The following ACO2 variants were observed in gnomAD, a reference collection of about 807,000 sequenced individuals.
ACO2 encodes the protein aconitate hydratase, mitochondrial.
ACO2 carries 31 observed loss-of-function variants against 84.5 expected under a neutral mutation model. The ratio of observed to expected loss-of-function variants is 0.37; its 90% confidence interval spans 0.28 to 0.50. ACO2 has a LOEUF of 0.50. ACO2 is among the 20% of genes least tolerant of loss of function. ACO2 has a pLI of 0.97. For synonymous variants in ACO2, 414 were observed against 412.7 expected, an observed-to-expected ratio of 1.00 and a Z score of -0.04; for missense variants, 685 against 1,029.3, an observed-to-expected ratio of 0.67 and a Z score of 4.58.
chr22:41,504,933 CAA>C (rs1261404390), intron 2 of ACO2, among the ~76,000 whole-genome samples: 1 of 151,648 alleles, frequency 6.6e-6, no homozygotes, highest in African/African-American at 2.4e-5. Context: ...AGGCTAGTCT[CAA>C]AACGCCTGGA....
intron 1 of ACO2, among the ~76,000 whole-genome samples, chr22:41,488,132 C>T (rs1047518638): frequency 3.9e-5 from 6 of 152,180 alleles, no homozygotes; most frequent in Non-Finnish European, 8.8e-5. Context: ...AATACTACAG[C>T]ACTTTCTGTT....
chr22:41,510,206 C>T (rs2066424041), intron 3 of ACO2, among the ~76,000 whole-genome samples: 1 of 152,082 alleles, frequency 6.6e-6, no homozygotes, highest in African/African-American at 2.4e-5. Context: ...AGTGACCTGT[C>T]TAGGGTCACA....
intron 1 of ACO2, among the ~76,000 whole-genome samples, chr22:41,477,280 C>T (rs1009617734): frequency 6.6e-6 from 1 of 151,334 alleles, no homozygotes; most frequent in Non-Finnish European, 1.5e-5. Context: ...CAGCCTCCTG[C>T]GTAGCTGGGA....
intron 1 of ACO2, among the ~76,000 whole-genome samples, chr22:41,474,589 A>G (rs1330844299): frequency 3.6e-4 from 30 of 84,426 alleles, no homozygotes; most frequent in Middle Eastern, 0.014. Context: ...CACTGCGCCT[A>G]GCCTTTTTTT....
At chr22:41,474,127 G>C (rs1405766430) in intron 1 of ACO2, among the ~76,000 whole-genome samples, 2 of 151,964 alleles carry the variant, frequency 1.3e-5, no homozygotes, top group African/African-American at 2.4e-5. Context: ...AGGGATCTGG[G>C]GGGTGGAGAT....
At chr22:41,524,081 A>G in intron 12 of ACO2, 140 bp downstream of exon 12, 1 of 696,666 alleles carries the variant, frequency 1.4e-6, no homozygotes, top group South Asian at 1.6e-5. Flanking sequence ...CCTCAGGCGC[A>G]TGCTTGGTGC....
At chr22:41,523,430 A>C in intron 11 of ACO2, 152 bp downstream of exon 11, 1 of 662,194 alleles carries the variant, frequency 1.5e-6, no homozygotes, top group Non-Finnish European at 2.5e-6. Flanking sequence ...TCTGGCAGAC[A>C]TGCCTGGGAA....
intron 1 of ACO2, among the ~76,000 whole-genome samples, chr22:41,482,636 G>C (rs1205321578): frequency 6.6e-6 from 1 of 152,230 alleles, no homozygotes; most frequent in Non-Finnish European, 1.5e-5. Context: ...TCAGTGATTT[G>C]AAGGGCTGGT....
In ACO2 at chr22:41,517,509, G is replaced by T. The variant is rs752811289; in HGVS notation, c.836-18G>T. The T allele has an allele frequency of 1.2e-6, 2 of 1,611,492 alleles. No individual in the cohort carries two copies. Among genetic ancestry groups the T allele is most frequent in the Middle Eastern group, 1.7e-4 (1 of 6,058 alleles). On this transcript the variant is annotated intron_variant, in intron 6 of 17. Transcript: ENST00000216254. ...GGCCCGGCCACCAGCCAATGCCCGG[G>T]GCTCTGTTGCTCCACAGGCATGGCG...
chr22:41,482,564 T>C lies in ACO2; in HGVS notation c.36+13382T>C, dbSNP rs1275054577. ...CCACTTAGGTGTAAAATTAGGAAGT[T>C]GTTTTGTGGCTGAGGAAGTGCTATA... is the stretch of plus-strand genomic sequence containing the variant. On this transcript the variant is annotated intron_variant, in intron 1 of 17. Coordinates refer to ENST00000216254, the MANE Select transcript of ACO2 (RefSeq NM_001098.3). 2.0e-5 allele frequency among the ~76,000 whole-genome samples: 3 copies of C among 152,250 alleles called. No individual in the cohort carries two copies. In the East Asian group the frequency reaches 5.8e-4, roughly 29 times the overall value.
intron 14 of ACO2, among the ~76,000 whole-genome samples, 184 bp downstream of exon 14, chr22:41,525,532 T>C (rs2066576188): frequency 1.3e-5 from 2 of 152,218 alleles, no homozygotes; most frequent in African/African-American, 4.8e-5. Flanking sequence ...CCCTTCTCTG[T>C]GGCCCCGAAC....
At chr22:41,526,222 G>A in intron 14 of ACO2, 40 bp from the exon 15 acceptor site, 1 of 1,585,034 alleles carries the variant, frequency 6.3e-7, no homozygotes, top group Non-Finnish European at 8.6e-7. Context: ...CCCCTCCAGG[G>A]CCATGCCCTG....
chr22:41,470,215 T>C (rs1049146666), intron 1 of ACO2, among the ~76,000 whole-genome samples: 11 of 152,196 alleles, frequency 7.2e-5, no homozygotes, highest in African/African-American at 1.9e-4. Context: ...TTAATAAAAA[T>C]CAAGCAAGCA....
intron 15 of ACO2, 141 bp from the exon 16 acceptor site, chr22:41,527,147 C>T (rs576913246): frequency 4.9e-5 from 63 of 1,273,718 alleles, no homozygotes; most frequent in African/African-American, 3.0e-4. Flanking sequence ...AGGCAGCAGG[C>T]GAGGAAGGGC....
At chr22:41,483,086 GT>G (rs2038108196) in intron 1 of ACO2, among the ~76,000 whole-genome samples, 1 of 152,198 alleles carries the variant, frequency 6.6e-6, no homozygotes, top group Non-Finnish European at 1.5e-5. Context: ...CAGCCCCTTT[GT>G]TCCCCAGAAA....
At chr22:41,479,324 C>G (rs1289844838) in intron 1 of ACO2, among the ~76,000 whole-genome samples, 3 of 152,160 alleles carry the variant, frequency 2.0e-5, no homozygotes, top group Non-Finnish European at 4.4e-5. Flanking sequence ...GCCCTCTGTG[C>G]CAGTCACAGA....
Position 41,520,396 on chromosome 22 carries a change from G to A in ACO2, c.1138+120G>A, listed in dbSNP as rs1162466295. On this transcript the variant is annotated intron_variant, in intron 9 of 17. Transcript: ENST00000216254. ...TTCTAAGGTGGGCAGTTTCTGAAAT[G>A]GGTTTATTATTGAAAAATTACTTTT... is the stretch of plus-strand genomic sequence containing the variant. 7 of 726,372 alleles carry A rather than the reference G, an allele frequency of 9.6e-6. No individual in the cohort carries two copies. The East Asian group carries it at 2.0e-4, about 21-fold the overall frequency. The allele number at this position is 726,372 out of a possible 1,614,324, so 45.0% of individuals were successfully genotyped here.
intron 9 of ACO2, among the ~76,000 whole-genome samples, chr22:41,522,042 G>C (rs564613217): frequency 1.3e-5 from 2 of 152,280 alleles, no homozygotes; most frequent in Admixed American, 1.3e-4. Flanking sequence ...CAAAGTTGTG[G>C]GATTACAGGT....
At chr22:41,512,565 G>A (rs755193139) in intron 4 of ACO2, among the ~76,000 whole-genome samples, 5 of 152,146 alleles carry the variant, frequency 3.3e-5, no homozygotes, top group African/African-American at 4.8e-5. Flanking sequence ...CCATGCCACC[G>A]TGCTGCTCTG....
Sources: allele counts gnomAD v4.1 joint callset (sites outside exome capture counted in the v4.1 genomes callset), GRCh38; gene constraint gnomAD v4.1.1; transcripts MANE v1.5; gene names NCBI Gene and HGNC (gene_info 2026-07-23, HGNC 2026-07-21).